EDA2R: variants seen among roughly 807,000 people sequenced by gnomAD.
EDA2R encodes the protein ectodysplasin A2 receptor.
In EDA2R, 26 loss-of-function variants were observed where a neutral mutation model predicts 20.1. The ratio of observed to expected loss-of-function variants is 1.30; its 90% confidence interval spans 0.95 to 1.80. The LOEUF (loss-of-function observed/expected upper bound fraction) is 1.80, where lower values mean the gene tolerates loss of function less well. Among genes scored for constraint, EDA2R ranks in the 40% most tolerant of loss-of-function variants. EDA2R has a pLI of 0.00. For synonymous variants in EDA2R, 114 were observed against 88.7 expected, an observed-to-expected ratio of 1.29 and a Z score of -1.60; for missense variants, 277 against 228.7, an observed-to-expected ratio of 1.21 and a Z score of -1.36.
intron 1 of EDA2R, among the ~76,000 whole-genome samples, chrX:66,632,056 A>G (rs1222921264): frequency 1.8e-5 from 2 of 111,956 alleles, no homozygotes; most frequent in African/African-American, 6.5e-5. Context: ...TACGCTCTAG[A>G]TTAATTAAAT....
chrX:66,628,971 A>G (rs1330328986), intron 1 of EDA2R, among the ~76,000 whole-genome samples: 1 of 111,804 alleles, frequency 8.9e-6, no homozygotes, highest in Non-Finnish European at 1.9e-5. Flanking sequence ...ATTCAACAAC[A>G]TATCAAAAAG....
intron 2 of EDA2R, among the ~76,000 whole-genome samples, chrX:66,613,444 C>T (rs1011850373): frequency 5.4e-5 from 6 of 111,466 alleles, no homozygotes; most frequent in African/African-American, 2.0e-4. Flanking sequence ...AAAGTTGGTA[C>T]ATTTCCCCTA....
At chrX:66,616,057 C>A in intron 1 of EDA2R, 27 bp from the exon 2 acceptor site, 2 of 1,074,205 alleles carry the variant, frequency 1.9e-6, no homozygotes, top group South Asian at 1.9e-5. Flanking sequence ...CAAGAACTAG[C>A]AAGCTAGTGG....
chrX:66,628,973 A>T, intron 1 of EDA2R, among the ~76,000 whole-genome samples: 1 of 111,774 alleles, frequency 8.9e-6, no homozygotes, highest in Non-Finnish European at 1.9e-5. Flanking sequence ...TCAACAACAT[A>T]TCAAAAAGAT....
intron 5 of EDA2R, 174 bp from the exon 6 acceptor site, chrX:66,600,034 C>T: frequency 2.6e-6 from 3 of 1,159,873 alleles, no homozygotes; most frequent in Non-Finnish European, 2.3e-6. Context: ...GAGAAACATA[C>T]TTACATTCAG....
Position 66,618,249 on chromosome X carries a change from C to T in EDA2R, c.-10-2219G>A, listed in dbSNP as rs146381890. ...ACAAATTAAATTATCTTTCATTCGACGCTTAACAAATTGACTTTATTAAAG... is the reference window on the plus strand; with the variant it reads ...ACAAATTAAATTATCTTTCATTCGATGCTTAACAAATTGACTTTATTAAAG... On this transcript the variant is annotated intron_variant, in intron 1 of 6. Transcript: ENST00000374719. Among the ~76,000 whole-genome samples the T allele has an allele frequency of 2.4e-4, 27 of 111,653 alleles. No homozygotes were observed. In the East Asian group the frequency reaches 4.2e-3, roughly 17 times the overall value.
intron 1 of EDA2R, among the ~76,000 whole-genome samples, chrX:66,632,960 C>T (rs1159037728): frequency 8.9e-6 from 1 of 111,752 alleles, no homozygotes; most frequent in African/African-American, 3.3e-5. Flanking sequence ...GAGAATGAAC[C>T]TGCGCAAAAT....
intron 1 of EDA2R, among the ~76,000 whole-genome samples, chrX:66,630,139 T>C (rs548020761): frequency 4.3e-4 from 48 of 111,612 alleles, no homozygotes; most frequent in African/African-American, 1.4e-3. Context: ...GCAAGCCACA[T>C]GTAGGAGAAC....
intron 2 of EDA2R, among the ~76,000 whole-genome samples, chrX:66,610,805 A>G (rs1048339141): frequency 1.8e-5 from 2 of 111,482 alleles, no homozygotes; most frequent in Admixed American, 1.9e-4. Context: ...TGTTGGCCTG[A>G]GAAGCCTCTT....
chrX:66,608,487 T>C (rs1202374571), intron 2 of EDA2R, among the ~76,000 whole-genome samples: 2 of 112,000 alleles, frequency 1.8e-5, no homozygotes, highest in East Asian at 5.6e-4. Context: ...CTCGATAAGA[T>C]TCAAAGCATA....
chrX:66,623,165 T>C (rs1258695664), intron 1 of EDA2R, among the ~76,000 whole-genome samples: 6 of 112,410 alleles, frequency 5.3e-5, no homozygotes, highest in Non-Finnish European at 9.4e-5. Flanking sequence ...GTGATTCTCA[T>C]GTGCAGTCAA....
intron 1 of EDA2R, among the ~76,000 whole-genome samples, chrX:66,627,225 A>G (rs772222503): frequency 1.8e-5 from 2 of 112,204 alleles, no homozygotes; most frequent in African/African-American, 6.5e-5. Flanking sequence ...AATAACAAAA[A>G]AGCAAGATAC....
chrX:66,607,763 C>T (rs990582209), intron 2 of EDA2R, among the ~76,000 whole-genome samples: 2 of 111,853 alleles, frequency 1.8e-5, no homozygotes. Context: ...ACCAGAGTTA[C>T]TTCATTACAA....
intron 1 of EDA2R, among the ~76,000 whole-genome samples, chrX:66,624,772 T>G (rs1176032223): frequency 9.0e-6 from 1 of 111,153 alleles, no homozygotes; most frequent in Admixed American, 9.5e-5. Flanking sequence ...ACAGACACTC[T>G]TAGGAAGTGG....
chrX:66,634,267 G>A (rs992036393), intron 1 of EDA2R, among the ~76,000 whole-genome samples: 2 of 112,325 alleles, frequency 1.8e-5, no homozygotes, highest in Admixed American at 9.4e-5. Flanking sequence ...AGTACTTTGT[G>A]AGGTTGTGGA....
rs750885472 is a variant in EDA2R at position 66,597,989 on chromosome X, T to C, written c.*115A>G. The C allele has an allele frequency of 2.1e-6, 2 of 944,161 alleles. No individual in the cohort carries two copies. The highest frequency in any genetic ancestry group is 4.2e-5 in the South Asian group (2 of 47,340). 77.8% of individuals were successfully genotyped at this position (944,161 alleles called of 1,213,427 possible). On this transcript the variant is annotated 3_prime_UTR_variant, in exon 7 of 7. Coordinates refer to ENST00000374719, the MANE Select transcript of EDA2R (RefSeq NM_021783.5). ...GATAGGATATGCCCCATCTGTAGGG[T>C]ATTAGCTCTTGTGGACATCACATTT...
At chrX:66,637,888 A>T (rs1236604254) in intron 1 of EDA2R, among the ~76,000 whole-genome samples, 1 of 111,824 alleles carries the variant, frequency 8.9e-6, no homozygotes, top group Non-Finnish European at 1.9e-5. Context: ...AAGTAATTTT[A>T]TTTGTCCATG....
intron 1 of EDA2R, among the ~76,000 whole-genome samples, chrX:66,625,233 C>A (rs773091087): frequency 9.0e-6 from 1 of 111,329 alleles, no homozygotes; most frequent in African/African-American, 3.3e-5. Context: ...AACCAAAGCC[C>A]TTTTATTTCA....
intron 1 of EDA2R, among the ~76,000 whole-genome samples, chrX:66,616,243 T>C (rs987944043): frequency 8.9e-5 from 10 of 112,631 alleles, no homozygotes; most frequent in Admixed American, 9.4e-5. Context: ...ACTCATTCCA[T>C]TCTCAAGACA....
Sources: allele counts gnomAD v4.1 joint callset (sites outside exome capture counted in the v4.1 genomes callset), GRCh38; gene constraint gnomAD v4.1.1; transcripts MANE v1.5; gene names NCBI Gene and HGNC (gene_info 2026-07-23, HGNC 2026-07-21).